GRID1: variants seen among roughly 807,000 people sequenced by gnomAD.
GRID1 encodes the protein glutamate ionotropic receptor delta type subunit 1.
Under a neutral mutation model 98.0 loss-of-function variants are expected in GRID1, and 28 were observed. The observed-to-expected ratio is 0.29, with a 90% confidence interval of 0.21 to 0.39. The LOEUF is 0.39. Ranked by LOEUF, GRID1 falls within the 10% of genes least tolerant of loss-of-function variation. The pLI is 1.00. For synonymous variants in GRID1, 553 were observed against 538.5 expected, an observed-to-expected ratio of 1.03 and a Z score of -0.37; for missense variants, 1,111 against 1,340.5, an observed-to-expected ratio of 0.83 and a Z score of 2.67.
chr10:85,863,301 G>C (rs570519320), intron 6 of GRID1, among the ~76,000 whole-genome samples: 1 of 152,270 alleles, frequency 6.6e-6, no homozygotes, highest in South Asian at 2.1e-4. Context: ...GGAGAAGTCT[G>C]GTCTCTTCAG....
At chr10:85,618,171 A>G (rs1842814326) in intron 14 of GRID1, among the ~76,000 whole-genome samples, 1 of 152,162 alleles carries the variant, frequency 6.6e-6, no homozygotes, top group Admixed American at 6.5e-5. Context: ...GTCAGTGTTC[A>G]CTTCAGCAGA....
intron 3 of GRID1, among the ~76,000 whole-genome samples, chr10:86,204,561 G>A (rs1213040298): frequency 6.6e-6 from 1 of 152,222 alleles, no homozygotes; most frequent in Non-Finnish European, 1.5e-5. Flanking sequence ...GGGTAAGGAG[G>A]GTAATAAGAA....
intron 2 of GRID1, among the ~76,000 whole-genome samples, chr10:86,300,511 GA>G: frequency 1.5e-4 from 3 of 20,226 alleles, no homozygotes; most frequent in Non-Finnish European, 5.4e-4. Context: ...CAGGGGAGGG[GA>G]AGGGAGGGGA....
chr10:85,842,341 A>T (rs1590260057), intron 8 of GRID1, among the ~76,000 whole-genome samples: 1 of 152,170 alleles, frequency 6.6e-6, no homozygotes, highest in East Asian at 1.9e-4. Flanking sequence ...GATGAGGGAG[A>T]AGAGCAGAAA....
At chr10:85,848,153 A>G (rs1843024539) in intron 8 of GRID1, among the ~76,000 whole-genome samples, 1 of 152,160 alleles carries the variant, frequency 6.6e-6, no homozygotes, top group African/African-American at 2.4e-5. Context: ...AGCATGTGAT[A>G]TAACATAGAC....
intron 3 of GRID1, among the ~76,000 whole-genome samples, chr10:86,164,169 G>C (rs1487347423): frequency 1.3e-5 from 2 of 152,204 alleles, no homozygotes; most frequent in African/African-American, 4.8e-5. Flanking sequence ...TTTATCTAAC[G>C]ATGACATTTG....
intron 3 of GRID1, among the ~76,000 whole-genome samples, chr10:86,176,555 CGAG>C (rs1055836108): frequency 1.6e-4 from 24 of 152,082 alleles, no homozygotes; most frequent in Non-Finnish European, 3.1e-4. Context: ...AGTGAGAAGA[CGAG>C]GAGATGATCG....
Position 86,366,201 on chromosome 10 carries a change from A to C in GRID1, c.79+113T>G. 5.2e-6 allele frequency: 3 copies of C among 575,364 alleles called. No individual in the cohort carries two copies. Among genetic ancestry groups the C allele is most frequent in the Non-Finnish European group, 2.6e-6 (1 of 380,316 alleles). The allele number at this position is 575,364 out of a possible 1,614,324, so 35.6% of individuals were successfully genotyped here. A position where few individuals can be genotyped will look rare whatever the true frequency, so the allele number is the denominator to read the frequency against. On this transcript the variant is annotated intron_variant, in intron 1 of 15. Coordinates refer to ENST00000327946, the MANE Select transcript of GRID1 (RefSeq NM_017551.3). This position sits in a 1 kb window ranked among gnomAD's most constrained non-coding sequence, Gnocchi z 4.1. The stretch of plus-strand genomic sequence containing the variant: ...GCGGCGCGGCGCGGCCCTTCGGGGG[A>C]GCACCGCCCGCCGAGCCCCTCGGCC...
intron 4 of GRID1, among the ~76,000 whole-genome samples, chr10:85,991,578 C>T (rs986149676): frequency 3.3e-5 from 5 of 151,998 alleles, no homozygotes; most frequent in African/African-American, 1.2e-4. Flanking sequence ...GCGAAGGAAA[C>T]TGCCAAGTCA....
intron 8 of GRID1, among the ~76,000 whole-genome samples, chr10:85,777,678 C>T (rs1038536508): frequency 1.3e-5 from 2 of 152,212 alleles, no homozygotes; most frequent in African/African-American, 4.8e-5. Flanking sequence ...TTTTTGCCTA[C>T]TAAAGAGACT....
intron 6 of GRID1, among the ~76,000 whole-genome samples, chr10:85,864,570 C>T (rs995234448): frequency 1.8e-4 from 28 of 152,250 alleles, no homozygotes; most frequent in African/African-American, 6.5e-4. Flanking sequence ...GCTAAGTAAA[C>T]CATTGAAAGT....
At chr10:86,180,668 C>T (rs1002495160) in intron 3 of GRID1, among the ~76,000 whole-genome samples, 2 of 152,186 alleles carry the variant, frequency 1.3e-5, no homozygotes, top group Non-Finnish European at 2.9e-5. Context: ...CCACAAAAGG[C>T]TCCCTCTCCA....
intron 4 of GRID1, among the ~76,000 whole-genome samples, chr10:86,067,024 G>A (rs1038196338): frequency 1.3e-5 from 2 of 152,146 alleles, no homozygotes; most frequent in Non-Finnish European, 2.9e-5. Context: ...CCTTAATAGC[G>A]CATAGAGCTG....
At chr10:85,837,952 A>G (rs1204503265) in intron 8 of GRID1, among the ~76,000 whole-genome samples, 2 of 152,210 alleles carry the variant, frequency 1.3e-5, no homozygotes, top group East Asian at 1.9e-4. Flanking sequence ...CAAAATAACC[A>G]GTTTACAGAA....
In GRID1 at chr10:86,231,417, G is replaced by A. The variant is rs149435137; in HGVS notation, c.236-24769C>T. Among the ~76,000 whole-genome samples, 49 of 152,168 alleles carry A rather than the reference G, an allele frequency of 3.2e-4. 1 individual carries two copies. The highest frequency in any genetic ancestry group is 2.3e-3 in the Admixed American group (35 of 15,292). On this transcript the variant is annotated intron_variant, in intron 2 of 15. Coordinates refer to ENST00000327946, the MANE Select transcript of GRID1 (RefSeq NM_017551.3). ...CCGGACAGAGGCTCTGGCTCTAATG[G>A]CCCCTGATCCAGCAGGCCACAGGTA...
intron 2 of GRID1, among the ~76,000 whole-genome samples, chr10:86,334,851 C>A (rs1315893319): frequency 6.6e-6 from 1 of 152,224 alleles, no homozygotes; most frequent in Non-Finnish European, 1.5e-5. Flanking sequence ...TTCCAGAACA[C>A]AGGCCTGTTA....
At chr10:86,095,933 T>A (rs1844215219) in intron 4 of GRID1, among the ~76,000 whole-genome samples, 1 of 152,190 alleles carries the variant, frequency 6.6e-6, no homozygotes, top group Non-Finnish European at 1.5e-5. Context: ...AGCAGCACAA[T>A]TCACAATTGC....
intron 2 of GRID1, among the ~76,000 whole-genome samples, chr10:86,257,960 AAC>A (rs1355167931): frequency 2.0e-5 from 3 of 152,168 alleles, no homozygotes; most frequent in Non-Finnish European, 4.4e-5. Context: ...CAATGAGCAA[AAC>A]ACATGCCCAG....
intron 5 of GRID1, among the ~76,000 whole-genome samples, chr10:85,895,016 A>ATATATAT (rs1554838331): frequency 8.8e-4 from 85 of 97,092 alleles, no homozygotes; most frequent in Middle Eastern, 0.011. Context: ...AAAAAAAAAA[A>ATATATAT]ATATATATAT....
Sources: allele counts gnomAD v4.1 joint callset (sites outside exome capture counted in the v4.1 genomes callset), GRCh38; gene constraint gnomAD v4.1.1; non-coding constraint Gnocchi (gnomAD v3.1); transcripts MANE v1.5; gene names NCBI Gene and HGNC (gene_info 2026-07-23, HGNC 2026-07-21).